PRKCB: variants seen among roughly 807,000 people sequenced by gnomAD.
The protein encoded by PRKCB is protein kinase C beta type.
PRKCB carries 13 observed loss-of-function variants against 81.5 expected under a neutral mutation model. That is an observed-to-expected ratio of 0.16 (90% CI 0.10 to 0.25). The LOEUF (loss-of-function observed/expected upper bound fraction) is 0.25, where lower values mean the gene tolerates loss of function less well. PRKCB is among the 10% of genes least tolerant of loss of function. The pLI, the probability that PRKCB is intolerant of heterozygous loss-of-function variation, is 1.00. For missense variants in PRKCB, 509 were observed against 875.7 expected, an observed-to-expected ratio of 0.58 and a Z score of 5.29; for synonymous variants, 335 against 321.4, an observed-to-expected ratio of 1.04 and a Z score of -0.45.
intron 2 of PRKCB, among the ~76,000 whole-genome samples, chr16:23,880,347 G>A (rs902463903): frequency 1.3e-5 from 2 of 152,190 alleles, no homozygotes; most frequent in Non-Finnish European, 2.9e-5. Flanking sequence ...ACTAGCACCT[G>A]AAAGAGGAGT....
At chr16:23,915,684 T>C (rs1239426038) in intron 2 of PRKCB, among the ~76,000 whole-genome samples, 1 of 35,350 alleles carries the variant, frequency 2.8e-5, no homozygotes, top group Non-Finnish European at 5.4e-5. Flanking sequence ...AGTGAGACTC[T>C]CTATCAAAAA....
intron 2 of PRKCB, among the ~76,000 whole-genome samples, chr16:23,841,440 G>GTC (rs146787246): frequency 0.1 from 15,549 of 151,882 alleles, 1,916 homozygotes; most frequent in African/African-American, 0.3. Flanking sequence ...TTTAATTAAA[G>GTC]TCTTCTCTAA....
intron 8 of PRKCB, among the ~76,000 whole-genome samples, chr16:24,121,855 A>T (rs1249131392): frequency 6.6e-6 from 1 of 152,228 alleles, no homozygotes; most frequent in Non-Finnish European, 1.5e-5. Flanking sequence ...ACATCATTTC[A>T]TGTCATCATC....
At chr16:24,166,022 C>T (rs943847986) in intron 10 of PRKCB, among the ~76,000 whole-genome samples, 1 of 151,020 alleles carries the variant, frequency 6.6e-6, no homozygotes, top group African/African-American at 2.4e-5. Flanking sequence ...GAATAGCTGA[C>T]ATTAGAGGTG....
In PRKCB at chr16:23,927,565, A is replaced by C. The variant is rs1963913800; in HGVS notation, c.206-60943A>C. Among the ~76,000 whole-genome samples the C allele has an allele frequency of 2.0e-5, 3 of 152,056 alleles. No homozygotes were observed. In the South Asian group the frequency reaches 6.2e-4, roughly 31 times the overall value. ...GTTAAAAATGAATTTCACAGTGACA[A>C]GGCTGGAGGAAGGATCTTGGGTTAG... On this transcript the variant is annotated intron_variant, in intron 2 of 16. Transcript: ENST00000643927.
chr16:24,203,607 T>TCAA (rs1967998057), intron 16 of PRKCB, among the ~76,000 whole-genome samples: 1 of 152,122 alleles, frequency 6.6e-6, no homozygotes, highest in African/African-American at 2.4e-5. Flanking sequence ...CCAATAGAAA[T>TCAA]TCCAACTCCA....
intron 2 of PRKCB, among the ~76,000 whole-genome samples, chr16:23,859,430 C>T (rs542607612): frequency 1.3e-5 from 2 of 152,270 alleles, no homozygotes; most frequent in Admixed American, 6.5e-5. Context: ...AGTCAGCCGC[C>T]CTGTGATGGG....
At chr16:23,973,704 AG>A (rs748700184) in intron 2 of PRKCB, among the ~76,000 whole-genome samples, 21 of 151,932 alleles carry the variant, frequency 1.4e-4, no homozygotes, top group Admixed American at 3.9e-4. Context: ...TTTTTGAGAC[AG>A]GGTCTCACTC....
At chr16:24,111,940 G>A (rs1348586054) in intron 7 of PRKCB, among the ~76,000 whole-genome samples, 2 of 152,148 alleles carry the variant, frequency 1.3e-5, no homozygotes, top group Non-Finnish European at 2.9e-5. Context: ...TATGAAAAAG[G>A]AATTTGTATT....
intron 11 of PRKCB, among the ~76,000 whole-genome samples, chr16:24,172,815 C>T (rs770684860): frequency 5.3e-5 from 8 of 152,186 alleles, no homozygotes; most frequent in Non-Finnish European, 1.0e-4. Flanking sequence ...CTTAGAAAGG[C>T]CCTATATCTT....
chr16:24,134,051 A>T (rs1051659828), intron 9 of PRKCB, among the ~76,000 whole-genome samples: 13 of 152,006 alleles, frequency 8.6e-5, no homozygotes, highest in African/African-American at 3.1e-4. Flanking sequence ...ACATGCCACC[A>T]CACCCAGCTA....
Position 24,178,075 on chromosome 16 carries a change from T to C in PRKCB, c.1395-2715T>C, listed in dbSNP as rs143396190. ...GATCTTTTAAGATGTTACAAATCAC[T>C]ACCTCCTTCATCTAAATCTCTACTT... On this transcript the variant is annotated intron_variant, in intron 12 of 16. Transcript: ENST00000643927. 4.6e-5 allele frequency among the ~76,000 whole-genome samples: 7 copies of C among 152,354 alleles called. No homozygotes were observed. In the East Asian group the frequency reaches 1.3e-3, roughly 29 times the overall value.
chr16:24,048,996 T>G (rs1965800765), intron 5 of PRKCB, among the ~76,000 whole-genome samples: 1 of 150,942 alleles, frequency 6.6e-6, no homozygotes, highest in South Asian at 2.1e-4. Context: ...TGAGAGTCAG[T>G]GTTTGCTGGA....
intron 2 of PRKCB, among the ~76,000 whole-genome samples, chr16:23,950,607 A>G (rs1362379080): frequency 1.3e-5 from 2 of 152,160 alleles, no homozygotes; most frequent in Admixed American, 1.3e-4. Context: ...CTGAGGTCTT[A>G]GTGCCTGGCA....
intron 2 of PRKCB, among the ~76,000 whole-genome samples, chr16:23,841,981 T>G (rs1428130902): frequency 6.6e-6 from 1 of 152,122 alleles, no homozygotes; most frequent in Non-Finnish European, 1.5e-5. Flanking sequence ...AATTTTAAAA[T>G]TTTTTGTAGA....
intron 12 of PRKCB, among the ~76,000 whole-genome samples, chr16:24,175,271 C>A (rs960922572): frequency 2.0e-5 from 3 of 151,972 alleles, no homozygotes; most frequent in African/African-American, 7.2e-5. Flanking sequence ...GGTATGAGGC[C>A]TCCAAATAGC....
intron 3 of PRKCB, among the ~76,000 whole-genome samples, chr16:24,023,447 C>A (rs1021949125): frequency 2.0e-5 from 3 of 152,200 alleles, no homozygotes; most frequent in Non-Finnish European, 4.4e-5. Flanking sequence ...CGGCTCACTG[C>A]AAGCTCTGCC....
At chr16:24,047,885 A>C (rs1965788455) in intron 5 of PRKCB, among the ~76,000 whole-genome samples, 1 of 152,082 alleles carries the variant, frequency 6.6e-6, no homozygotes, top group Non-Finnish European at 1.5e-5. Context: ...TTGTGATCAG[A>C]GTTTAGAGAA....
At chr16:24,147,079 C>T (rs377653529) in intron 9 of PRKCB, among the ~76,000 whole-genome samples, 109 of 152,064 alleles carry the variant, frequency 7.2e-4, no homozygotes, top group African/African-American at 2.5e-3. Flanking sequence ...GAGGCTGAGG[C>T]GGGCGGATCA....
Sources: allele counts gnomAD v4.1 joint callset (sites outside exome capture counted in the v4.1 genomes callset), GRCh38; gene constraint gnomAD v4.1.1; transcripts MANE v1.5; gene names NCBI Gene and HGNC (gene_info 2026-07-23, HGNC 2026-07-21).